Variants in EIF2B3 observed in about 807,000 individuals in gnomAD.
The protein encoded by EIF2B3 is eukaryotic translation initiation factor 2B subunit gamma.
A neutral mutation model predicts 54.1 loss-of-function variants in EIF2B3; 20 were observed. The observed-to-expected ratio is 0.37, with a 90% CI of 0.26 to 0.54. The LOEUF (loss-of-function observed/expected upper bound fraction) is 0.54, where lower values mean the gene tolerates loss of function less well. Among genes scored for constraint, EIF2B3 ranks in the 20% least tolerant of loss-of-function variants. EIF2B3 has a pLI of 0.86. For missense variants in EIF2B3, 448 were observed against 547.8 expected (o/e 0.82, Z 1.82); for synonymous variants, 153 against 188.1 (o/e 0.81, Z 1.52).
chr1:44,881,502 T>C lies in EIF2B3; in HGVS notation c.784+110A>G. 2.8e-6 allele frequency: 4 copies of C among 1,446,296 alleles called. No homozygotes were observed. Among genetic ancestry groups the C allele is most frequent in the South Asian group, 2.3e-5 (2 of 87,060 alleles). 89.6% of individuals were successfully genotyped at this position (1,446,296 alleles called of 1,614,324 possible). ...CCTGTCTTGCCTCGTAGGCTAGAAA[T>C]AGTCTGCTGCCTTGAGTCAGGCATC... is the stretch of plus-strand genomic sequence containing the variant. On this transcript the variant is annotated intron_variant, in intron 7 of 11. Coordinates refer to ENST00000360403, the MANE Select transcript of EIF2B3 (RefSeq NM_020365.5). This position sits in a 1 kb window ranked among gnomAD's most constrained non-coding sequence, Gnocchi z 4.0.
chr1:44,977,018 G>T (rs10465874), intron 3 of EIF2B3, among the ~76,000 whole-genome samples: 1 of 152,138 alleles, frequency 6.6e-6, no homozygotes, highest in Non-Finnish European at 1.5e-5. Flanking sequence ...CTCAATAAAA[G>T]GGGTGGGAAA....
At chr1:44,980,799 G>A (rs917955434) in intron 2 of EIF2B3, among the ~76,000 whole-genome samples, 2 of 151,964 alleles carry the variant, frequency 1.3e-5, no homozygotes, top group African/African-American at 4.8e-5. Flanking sequence ...TACAGAGTTC[G>A]TCTTGGATCA....
At chr1:44,908,611 T>C (rs996373027) in intron 5 of EIF2B3, among the ~76,000 whole-genome samples, 1 of 152,172 alleles carries the variant, frequency 6.6e-6, no homozygotes, top group Non-Finnish European at 1.5e-5. Context: ...AGATGAGATA[T>C]AAGGCTGGAG....
intron 5 of EIF2B3, among the ~76,000 whole-genome samples, chr1:44,899,690 C>A (rs776138070): frequency 6.6e-6 from 1 of 152,094 alleles, no homozygotes; most frequent in Non-Finnish European, 1.5e-5. Context: ...ACAACAGATG[C>A]CGGTGAGACT....
intron 5 of EIF2B3, among the ~76,000 whole-genome samples, chr1:44,907,618 C>G (rs532699823): frequency 2.1e-5 from 3 of 143,950 alleles, no homozygotes; most frequent in African/African-American, 7.8e-5. Context: ...AAAATGGTCA[C>G]AGCCGGGCAC....
chr1:44,962,069 A>G (rs925998834), intron 3 of EIF2B3, among the ~76,000 whole-genome samples: 1 of 152,124 alleles, frequency 6.6e-6, no homozygotes, highest in African/African-American at 2.4e-5. Context: ...GCATGCACCC[A>G]TAATCGCAGC....
chr1:44,963,088 A>C (rs1481734589), intron 3 of EIF2B3, among the ~76,000 whole-genome samples: 1 of 151,932 alleles, frequency 6.6e-6, no homozygotes, highest in Non-Finnish European at 1.5e-5. Flanking sequence ...GGTGGTACAC[A>C]CTTGTAGTCC....
At chr1:44,909,060 G>T (rs1044251472) in intron 5 of EIF2B3, among the ~76,000 whole-genome samples, 1 of 152,108 alleles carries the variant, frequency 6.6e-6, no homozygotes, top group African/African-American at 2.4e-5. Flanking sequence ...ATTTATATCC[G>T]TGCATAATAT....
intron 3 of EIF2B3, chr1:44,958,884 A>C: frequency 1.2e-6 from 1 of 837,342 alleles, no homozygotes. Flanking sequence ...TCAAGAACAC[A>C]ATTTCATCAA....
chr1:44,909,558 TG>T (rs1380966254), intron 5 of EIF2B3, among the ~76,000 whole-genome samples: 1 of 152,152 alleles, frequency 6.6e-6, no homozygotes, highest in Non-Finnish European at 1.5e-5. Context: ...GGCAGGAGAT[TG>T]GAAGATTTTT....
chr1:44,902,801 C>T lies in EIF2B3; in HGVS notation c.567-5357G>A, dbSNP rs981393726. ...CATGAACGTGCTACTGCACTCCAGC[C>T]TGGGCAACAGAAAAGAGACTCTTTC... On this transcript the variant is annotated intron_variant, in intron 5 of 11. Transcript: ENST00000360403. Among the ~76,000 whole-genome samples, 4 of 120,174 alleles carry T rather than the reference C, an allele frequency of 3.3e-5. No individual in the cohort carries two copies. The Admixed American group carries it at 4.6e-4, about 14-fold the overall frequency. 78.8% of individuals were successfully genotyped at this position (120,174 alleles called of 152,430 possible).
chr1:44,857,375 C>T (rs1654465229), intron 11 of EIF2B3, among the ~76,000 whole-genome samples: 2 of 152,016 alleles, frequency 1.3e-5, no homozygotes, highest in African/African-American at 4.8e-5. Flanking sequence ...ACTAAAAATA[C>T]AAAAAATTAG....
chr1:44,963,454 G>A (rs1173417152), intron 3 of EIF2B3, among the ~76,000 whole-genome samples: 3 of 151,876 alleles, frequency 2.0e-5, no homozygotes, highest in Non-Finnish European at 2.9e-5. Context: ...ATTTTTTGTA[G>A]AGACAGGGTT....
At chr1:44,875,234 A>C (rs1029194192) in intron 9 of EIF2B3, among the ~76,000 whole-genome samples, 2 of 152,140 alleles carry the variant, frequency 1.3e-5, no homozygotes, top group East Asian at 3.8e-4. Context: ...CCTGAAGAAA[A>C]CTTGGCTCAG....
intron 4 of EIF2B3, among the ~76,000 whole-genome samples, chr1:44,932,756 A>G (rs1444384507): frequency 1.3e-5 from 2 of 152,290 alleles, no homozygotes; most frequent in Middle Eastern, 3.4e-3. Context: ...AAAACAAAAC[A>G]AAACAAAAAA....
In EIF2B3 at chr1:44,897,385, T is replaced by C; in HGVS notation, c.626A>G (p.Lys209Arg). ...LVDAHLYCLKKYIVDFLMENG... is the reference protein window; with the variant it reads ...LVDAHLYCLKRYIVDFLMENG... Reference sequence around the variant, plus strand: ...TTCCATTAGGAAATCCACGATGTATTTTTTCAAACAGTAGAGGTGGGCATC... The same window carrying C: ...TTCCATTAGGAAATCCACGATGTATCTTTTCAAACAGTAGAGGTGGGCATC... The change falls in exon 6 of 12, where the codon AAA (lysine) becomes AGA (arginine). Residue 209 changes from lysine to arginine, a missense_variant. By Grantham distance (26) the Lys-to-Arg change is conservative. Around this residue, in one of 3 missense-constraint regions of EIF2B3, gnomAD observed 350 missense variants for 414.2 expected, o/e 0.85. Transcript: ENST00000360403. 1 of 1,613,816 alleles carries C rather than the reference T, an allele frequency of 6.2e-7. No individual in the cohort carries two copies. The highest frequency in any genetic ancestry group is 8.5e-7 in the Non-Finnish European group (1 of 1,179,900).
At chr1:44,966,313 C>A (rs1338283016) in intron 3 of EIF2B3, among the ~76,000 whole-genome samples, 1 of 151,776 alleles carries the variant, frequency 6.6e-6, no homozygotes, top group East Asian at 1.9e-4. Context: ...GTGGCGGGTG[C>A]CTGTAGTCCC....
chr1:44,924,816 CT>C (rs1643821021), intron 5 of EIF2B3: 2 of 152,000 alleles, frequency 1.3e-5, no homozygotes, highest in African/African-American at 4.8e-5. Context: ...AAAATTTCTT[CT>C]GTTTCTTGAG....
At chr1:44,913,198 AC>A (rs1356342049) in intron 5 of EIF2B3, among the ~76,000 whole-genome samples, 17 of 151,796 alleles carry the variant, frequency 1.1e-4, no homozygotes, top group Non-Finnish European at 2.9e-5. Context: ...ATTTTTTAAT[AC>A]ATTAAGAGAT....
Sources: gnomAD v4.1 joint callset for allele counts (sites outside exome capture counted in the v4.1 genomes callset) on GRCh38, gnomAD v4.1.1 for gene constraint, gnomAD v4.1.1 regional missense constraint, Gnocchi (gnomAD v3.1) non-coding constraint, MANE v1.5 for transcripts, NCBI Gene and HGNC (gene_info 2026-07-23, HGNC 2026-07-21) for gene names.